Variants in ANKRD36C observed in about 807,000 individuals in gnomAD.
ANKRD36C encodes the protein ankyrin repeat domain-containing protein 36C.
Under a neutral mutation model 276.4 loss-of-function variants are expected in ANKRD36C, and 61 were observed. The observed-to-expected ratio is 0.22, with a 90% CI of 0.18 to 0.27. The LOEUF is 0.27. Among genes scored for constraint, ANKRD36C ranks in the 10% least tolerant of loss-of-function variants. The pLI is 1.00. For missense variants in ANKRD36C, 1,447 were observed against 2,032.3 expected (o/e 0.71, Z 5.54); for synonymous variants, 483 against 680.1 (o/e 0.71, Z 4.51).
intron 5 of ANKRD36C, among the ~76,000 whole-genome samples, chr2:95,980,221 G>T (rs1678889138): frequency 6.6e-6 from 1 of 152,034 alleles, no homozygotes; most frequent in Non-Finnish European, 1.5e-5. Flanking sequence ...AACCCCTTAG[G>T]TTCTTGAAAA....
exon 63 of ANKRD36C, chr2:95,856,012 C>A (rs757137014): frequency 6.2e-7 from 1 of 1,612,210 alleles, no homozygotes; most frequent in East Asian, 2.2e-5. Context: ...CGTTTTAGAG[C>A]CTTTTGAAGG....
chr2:95,893,059 C>T (rs1194457968), intron 44 of ANKRD36C, among the ~76,000 whole-genome samples: 1 of 151,166 alleles, frequency 6.6e-6, no homozygotes, highest in Non-Finnish European at 1.5e-5. Context: ...TGCCTCTTTT[C>T]ACACCTTCCT....
intron 6 of ANKRD36C, among the ~76,000 whole-genome samples, chr2:95,969,766 A>G (rs1282894676): frequency 6.6e-6 from 1 of 152,198 alleles, no homozygotes; most frequent in Non-Finnish European, 1.5e-5. Context: ...ACATCAGTGC[A>G]GAAAGTAGGG....
At chr2:95,852,052 T>C (rs1675305150) in intron 65 of ANKRD36C, 74 bp downstream of exon 85, 3 of 1,456,428 alleles carry the variant, frequency 2.1e-6, no homozygotes, top group Admixed American at 3.7e-5. Context: ...TCATAACTGA[T>C]ACAATTTTCA....
At chr2:95,880,469 T>C (rs780348483) in exon 58 of ANKRD36C, 9 of 1,554,656 alleles carry the variant, frequency 5.8e-6, no homozygotes, top group Non-Finnish European at 8.7e-7. Context: ...GTGGCTGTAT[T>C]CAGAACAGAA....
rs558667201 is a variant in ANKRD36C at position 95,896,038 on chromosome 2, T to C, written c.2755+3107A>G. Among the ~76,000 whole-genome samples, 18 of 147,382 alleles carry C rather than the reference T, an allele frequency of 1.2e-4. 1 individual carries two copies. In the East Asian group the frequency reaches 2.3e-3, roughly 19 times the overall value. ...CATGCTCTTTAACTTGCCCAATAAC[T>C]GAGAAGGCACACAATTACGATGACA... On this transcript the variant is annotated intron_variant, in intron 44 of 66. Transcript: ENST00000456556.
At chr2:95,918,810 A>T (rs1031548043) in intron 34 of ANKRD36C, among the ~76,000 whole-genome samples, 1 of 151,108 alleles carries the variant, frequency 6.6e-6, no homozygotes, top group Non-Finnish European at 1.5e-5. Context: ...GCAGTTTTTC[A>T]TTCAGAAATC....
In ANKRD36C at chr2:95,881,769, C is replaced by T. The variant is rs1440266770; in HGVS notation, c.3367+533G>A. ...TGAAGTGAGTTCACTCAGGCTTCCT[C>T]AGCAGAAACCCCAAAATTACCTAAA... is the stretch of plus-strand genomic sequence containing the variant. On this transcript the variant is annotated intron_variant, in intron 56 of 66. Coordinates refer to ENST00000456556, the Ensembl canonical transcript of ANKRD36C. Among the ~76,000 whole-genome samples, 184 of 147,618 alleles carry T rather than the reference C, an allele frequency of 1.2e-3. 1 individual carries two copies. The highest frequency in any genetic ancestry group is 4.4e-3 in the African/African-American group (176 of 40,372).
intron 42 of ANKRD36C, 38 bp downstream of exon 53, chr2:95,903,015 C>T: frequency 1.3e-6 from 2 of 1,570,916 alleles, no homozygotes; most frequent in South Asian, 2.3e-5. Flanking sequence ...ATAGACTATA[C>T]ATTTACTAGT....
Position 95,921,708 on chromosome 2 carries a change from A to G in ANKRD36C, c.2173-29T>C, listed in dbSNP as rs770886362. The G allele has an allele frequency of 3.2e-6, 5 of 1,583,690 alleles. No individual in the cohort carries two copies. The South Asian group carries it at 5.8e-5, about 18-fold the overall frequency. ...AATGGAATTTGAAAGAAAATAATAA[A>G]TAAATAAATAAATGAAGCATGTTTC... On this transcript the variant is annotated intron_variant, in intron 33 of 66. Transcript: ENST00000456556.
intron 40 of ANKRD36C, among the ~76,000 whole-genome samples, chr2:95,913,409 A>T (rs1676993154): frequency 6.6e-6 from 1 of 151,428 alleles, no homozygotes; most frequent in Non-Finnish European, 1.5e-5. Flanking sequence ...TCATTTTTAT[A>T]ACTAAAATCA....
At chr2:95,923,410 T>G (rs369868700) in intron 32 of ANKRD36C, 85 bp downstream of exon 32, 1 of 1,518,482 alleles carries the variant, frequency 6.6e-7, no homozygotes, top group Non-Finnish European at 9.0e-7. Context: ...GCAGCTTTGA[T>G]GAGCCCCCCG....
chr2:95,934,542 G>A (rs1677661281), intron 24 of ANKRD36C, among the ~76,000 whole-genome samples: 2 of 152,224 alleles, frequency 1.3e-5, no homozygotes, highest in South Asian at 4.2e-4. Context: ...CTCATAAGTG[G>A]GAGTTGAACA....
At chr2:95,927,235 C>T (rs1392471417) in exon 28 of ANKRD36C, 4 of 1,610,190 alleles carry the variant, frequency 2.5e-6, no homozygotes, top group East Asian at 2.2e-5. Context: ...TGTTGTCCCT[C>T]CTTTATTTCT....
chr2:95,934,280 T>A, intron 24 of ANKRD36C, among the ~76,000 whole-genome samples: 1 of 152,002 alleles, frequency 6.6e-6, no homozygotes, highest in East Asian at 1.9e-4. Context: ...TAAAAATCAT[T>A]CTACTATAAA....
intron 22 of ANKRD36C, among the ~76,000 whole-genome samples, 152 bp downstream of exon 22, chr2:95,938,677 T>C (rs540097234): frequency 1.3e-5 from 2 of 152,428 alleles, no homozygotes; most frequent in South Asian, 4.1e-4. Context: ...TTAAAAATCA[T>C]TTTATAAACA....
At chr2:95,988,285 T>C (rs1364003071) in intron 1 of ANKRD36C, among the ~76,000 whole-genome samples, 1 of 152,076 alleles carries the variant, frequency 6.6e-6, no homozygotes, top group Non-Finnish European at 1.5e-5. Context: ...CAGAATGTTA[T>C]GTAAATTAGG....
intron 1 of ANKRD36C, among the ~76,000 whole-genome samples, chr2:95,988,761 A>C (rs1436048706): frequency 6.6e-6 from 1 of 152,244 alleles, no homozygotes; most frequent in Non-Finnish European, 1.5e-5. Flanking sequence ...ACTATAATAA[A>C]AACCTATTTA....
rs1379176773 is a variant in ANKRD36C at position 95,973,877 on chromosome 2, T to TA, written c.799+4244dup. ...GGTAAGAGAGAGAGACCCTTGTCTC[T>TA]AAAAAATAAAAAATAAAAAAGTTAG... On this transcript the variant is annotated intron_variant, in intron 6 of 66. Coordinates refer to ENST00000456556, the Ensembl canonical transcript of ANKRD36C. Among the ~76,000 whole-genome samples, 6 of 152,014 alleles carry TA rather than the reference T, an allele frequency of 3.9e-5. No homozygotes were observed. In the East Asian group the frequency reaches 9.7e-4, roughly 24 times the overall value.
Sources: allele counts gnomAD v4.1 joint callset (sites outside exome capture counted in the v4.1 genomes callset), GRCh38; gene constraint gnomAD v4.1.1; transcripts MANE v1.5; gene names NCBI Gene and HGNC (gene_info 2026-07-23, HGNC 2026-07-21).